The following TRPM7 variants were observed in gnomAD, a reference collection of about 807,000 sequenced individuals.
TRPM7 encodes the protein transient receptor potential cation channel subfamily M member 7, also known as LTRPC ion channel family member 7.
Under a neutral mutation model 229.7 loss-of-function variants are expected in TRPM7, and 134 were observed. The ratio of observed to expected loss-of-function variants is 0.58; its 90% CI spans 0.51 to 0.67. The LOEUF (loss-of-function observed/expected upper bound fraction) is 0.67. Ranked by LOEUF, TRPM7 falls within the 30% of genes least tolerant of loss-of-function variation. TRPM7 has a pLI of 0.00. For synonymous variants in TRPM7, 699 were observed against 715.2 expected, an observed-to-expected ratio of 0.98 and a Z score of 0.36; for missense variants, 1,901 against 2,210.0, an observed-to-expected ratio of 0.86 and a Z score of 2.80.
chr15:50,574,600 T>C (rs770595050), intron 35 of TRPM7, 37 bp downstream of exon 35: 6 of 1,581,842 alleles, frequency 3.8e-6, no homozygotes, highest in Non-Finnish European at 5.2e-6. Context: ...CTGCTATCCA[T>C]ATAATAAAAG....
chr15:50,667,536 C>T (rs2061911708), intron 1 of TRPM7, among the ~76,000 whole-genome samples: 1 of 152,094 alleles, frequency 6.6e-6, no homozygotes, highest in African/African-American at 2.4e-5. Flanking sequence ...TAAAACCCCA[C>T]CTCTACTAAA....
At position 50,653,670 on chromosome 15, in the gene TRPM7, AG is replaced by A. The variant is rs1036634318; in HGVS notation, c.122+4110del. Among the ~76,000 whole-genome samples, 37 of 152,200 alleles carry A rather than the reference AG, an allele frequency of 2.4e-4. 1 individual carries two copies. Among genetic ancestry groups the A allele is most frequent in the Non-Finnish European group, 2.9e-5 (2 of 68,030 alleles). On this transcript the variant is annotated intron_variant, in intron 3 of 38. Transcript: ENST00000646667. ...AAAACAGTAGACACTGGGCCAAGCAAGGAAGTAGAGAACAGAATTCTAGGCT... is the reference window on the plus strand; with the variant it reads ...AAAACAGTAGACACTGGGCCAAGCAAGAAGTAGAGAACAGAATTCTAGGCT...
At chr15:50,589,062 C>A (rs2140343481) in intron 27 of TRPM7, among the ~76,000 whole-genome samples, 1 of 152,278 alleles carries the variant, frequency 6.6e-6, no homozygotes, top group East Asian at 1.9e-4. Flanking sequence ...TGGCTCACGC[C>A]TATAATCCCA....
At position 50,624,306 on chromosome 15, in the gene TRPM7, A is replaced by G; in HGVS notation, c.1306-6T>C. ...GCTTGTTCCAAGGATCCAACCTAGG[A>G]GTATCAAATTTAATAAATACATATT... On this transcript the variant is annotated splice_region_variant and splice_polypyrimidine_tract_variant and intron_variant, in intron 11 of 38. Coordinates refer to ENST00000646667, the MANE Select transcript of TRPM7 (RefSeq NM_017672.6). 1 of 1,574,504 alleles carries G rather than the reference A, an allele frequency of 6.4e-7. No homozygotes were observed. Among genetic ancestry groups the G allele is most frequent in the Non-Finnish European group, 8.6e-7 (1 of 1,164,772 alleles).
intron 3 of TRPM7, among the ~76,000 whole-genome samples, chr15:50,655,055 G>A (rs1277840257): frequency 9.8e-6 from 1 of 102,540 alleles, no homozygotes; most frequent in African/African-American, 3.4e-5. Context: ...ACAGCAAAAT[G>A]GAGAATGTAG....
At chr15:50,620,253 C>T (rs2060350948) in intron 12 of TRPM7, among the ~76,000 whole-genome samples, 1 of 151,902 alleles carries the variant, frequency 6.6e-6, no homozygotes, top group South Asian at 2.1e-4. Flanking sequence ...TGAATATGGC[C>T]CAAGACAAAT....
intron 27 of TRPM7, 108 bp downstream of exon 27, chr15:50,589,484 C>A: frequency 1.3e-6 from 1 of 752,690 alleles, no homozygotes; most frequent in Non-Finnish European, 2.2e-6. Context: ...TTAATGATAT[C>A]TGCTAAAACT....
chr15:50,619,940 A>C, intron 12 of TRPM7, 142 bp from the exon 13 acceptor site: 1 of 677,968 alleles, frequency 1.5e-6, no homozygotes, highest in South Asian at 2.3e-5. Context: ...GTAGAACAAC[A>C]AAGAATTTTC....
At chr15:50,634,838 A>G (rs1200408922) in intron 7 of TRPM7, among the ~76,000 whole-genome samples, 4 of 152,160 alleles carry the variant, frequency 2.6e-5, no homozygotes, top group Admixed American at 2.0e-4. Context: ...GACAGCAAAT[A>G]ATTTATATAT....
intron 1 of TRPM7, 75 bp downstream of exon 1, chr15:50,686,456 T>C: frequency 6.2e-7 from 1 of 1,613,176 alleles, no homozygotes; most frequent in Non-Finnish European, 8.5e-7. Context: ...CCCCACACAC[T>C]TGCCTGCCAA....
intron 2 of TRPM7, 91 bp downstream of exon 2, chr15:50,662,873 TTTA>T: frequency 4.5e-6 from 4 of 892,792 alleles, no homozygotes; most frequent in Non-Finnish European, 7.1e-6. Context: ...GTACAAATAA[TTTA>T]TTTAGTGGTT....
At chr15:50,566,265 T>C (rs903124299) in intron 38 of TRPM7, among the ~76,000 whole-genome samples, 1 of 152,116 alleles carries the variant, frequency 6.6e-6, no homozygotes, top group African/African-American at 2.4e-5. Context: ...AGACAATCCA[T>C]ACATCAAAGA....
chr15:50,578,536 G>T, intron 31 of TRPM7, 103 bp downstream of exon 31: 3 of 1,157,924 alleles, frequency 2.6e-6, no homozygotes, highest in Non-Finnish European at 3.7e-6. Context: ...GCTTTTTCTA[G>T]CTTGAAGTCT....
intron 27 of TRPM7, among the ~76,000 whole-genome samples, chr15:50,587,627 C>T (rs1263209504): frequency 6.6e-6 from 1 of 152,034 alleles, no homozygotes; most frequent in Non-Finnish European, 1.5e-5. Context: ...TTTACCTTTT[C>T]CCATTAAGAA....
intron 1 of TRPM7, among the ~76,000 whole-genome samples, chr15:50,669,390 A>C (rs1468625872): frequency 6.6e-6 from 1 of 152,124 alleles, no homozygotes; most frequent in African/African-American, 2.4e-5. Flanking sequence ...AGCCGAGGTC[A>C]TGCCAGTGCA....
rs1057296374 is a variant in TRPM7, at chr15:50,607,075, T to C, written c.2709+125A>G. ...TTTGGGAACAGCAAAATTACACAGG[T>C]TCTACACTTCTACAATGTCATCATA... On this transcript the variant is annotated intron_variant, in intron 20 of 38. Transcript: ENST00000646667. The C allele has an allele frequency of 1.7e-5, 13 of 783,200 alleles. No individual in the cohort carries two copies. In the African/African-American group the frequency reaches 1.9e-4, roughly 12 times the overall value. The allele number at this position is 783,200 out of a possible 1,614,324, so 48.5% of individuals were successfully genotyped here. A position where few individuals can be genotyped will look rare whatever the true frequency, so the allele number is the denominator to read the frequency against.
intron 16 of TRPM7, among the ~76,000 whole-genome samples, chr15:50,611,911 T>G (rs2060072130): frequency 6.6e-6 from 1 of 152,240 alleles, no homozygotes; most frequent in Non-Finnish European, 1.5e-5. Context: ...AATTGTAAAC[T>G]TTTATGAACT....
At chr15:50,594,038 C>T (rs1252501333) in intron 24 of TRPM7, among the ~76,000 whole-genome samples, 1 of 152,126 alleles carries the variant, frequency 6.6e-6, no homozygotes, top group Non-Finnish European at 1.5e-5. Flanking sequence ...CGTATCTACT[C>T]AGAGAAATTT....
At chr15:50,622,305 C>T (rs569154602) in intron 12 of TRPM7, among the ~76,000 whole-genome samples, 3 of 152,198 alleles carry the variant, frequency 2.0e-5, no homozygotes, top group African/African-American at 7.2e-5. Flanking sequence ...AGTTTGAGAA[C>T]TACTGCTTTA....
Sources: gnomAD v4.1 joint callset for allele counts (sites outside exome capture counted in the v4.1 genomes callset) on GRCh38, gnomAD v4.1.1 for gene constraint, MANE v1.5 for transcripts, NCBI Gene and HGNC (gene_info 2026-07-23, HGNC 2026-07-21) for gene names.